ST8SIA2: variants seen among roughly 807,000 people sequenced by gnomAD.
ST8SIA2 encodes the protein alpha-2,8-sialyltransferase 8B.
In ST8SIA2, 22 loss-of-function variants were observed where a neutral mutation model predicts 37.6. The ratio of observed to expected loss-of-function variants is 0.58; its 90% CI spans 0.42 to 0.83. The LOEUF is 0.83. Ranked by LOEUF, ST8SIA2 falls within the 40% of genes least tolerant of loss-of-function variation. The probability of loss-of-function intolerance (pLI) is 0.00; values close to 1 mark genes in which losing one functional copy is unlikely to be tolerated. For synonymous variants in ST8SIA2, 205 were observed against 201.2 expected (o/e 1.02, Z -0.16); for missense variants, 382 against 484.7 (o/e 0.79, Z 1.99).
intron 5 of ST8SIA2, among the ~76,000 whole-genome samples, chr15:92,460,233 G>C (rs761280787): frequency 6.6e-6 from 1 of 152,142 alleles, no homozygotes; most frequent in Non-Finnish European, 1.5e-5. Context: ...GTCATCACAG[G>C]AGTTCTTAGG....
intron 5 of ST8SIA2, among the ~76,000 whole-genome samples, chr15:92,458,070 C>T (rs1257352718): frequency 6.6e-6 from 1 of 152,174 alleles, no homozygotes; most frequent in African/African-American, 2.4e-5. Flanking sequence ...CTGAGTGCAA[C>T]GGAAGTCAGG....
chr15:92,438,770 G>A (rs1353915195), intron 4 of ST8SIA2, among the ~76,000 whole-genome samples, 160 bp downstream of exon 4: 7 of 152,196 alleles, frequency 4.6e-5, no homozygotes, highest in East Asian at 1.9e-4. Context: ...GGGGAGCTTC[G>A]CCTCCAATGT....
At chr15:92,431,863 G>T (rs2141829175) in intron 2 of ST8SIA2, among the ~76,000 whole-genome samples, 1 of 152,240 alleles carries the variant, frequency 6.6e-6, no homozygotes, top group African/African-American at 2.4e-5. Flanking sequence ...AGACCATGAT[G>T]GGCTATGCAG....
intron 1 of ST8SIA2, among the ~76,000 whole-genome samples, chr15:92,420,090 C>T (rs1238357176): frequency 6.6e-6 from 1 of 152,168 alleles, no homozygotes; most frequent in African/African-American, 2.4e-5. Flanking sequence ...TGGTCTCGAT[C>T]TATTGACTTC....
intron 1 of ST8SIA2, among the ~76,000 whole-genome samples, chr15:92,416,538 C>T (rs1043405944): frequency 2.6e-5 from 4 of 152,090 alleles, no homozygotes; most frequent in Middle Eastern, 3.2e-3. Context: ...AAAGAAAACC[C>T]GGAGAAAGTG....
intron 1 of ST8SIA2, among the ~76,000 whole-genome samples, chr15:92,406,844 A>C (rs2049510973): frequency 6.6e-6 from 1 of 152,072 alleles, no homozygotes; most frequent in Non-Finnish European, 1.5e-5. Flanking sequence ...AAATACAAAA[A>C]TTAGCTGGGC....
chr15:92,457,309 A>G (rs2049926793), intron 5 of ST8SIA2, among the ~76,000 whole-genome samples: 2 of 152,216 alleles, frequency 1.3e-5, no homozygotes, highest in African/African-American at 2.4e-5. Context: ...GACAGCCACT[A>G]TTCTTTCCAC....
At chr15:92,396,887 G>A (rs1204294848) in intron 1 of ST8SIA2, among the ~76,000 whole-genome samples, 1 of 152,212 alleles carries the variant, frequency 6.6e-6, no homozygotes, top group African/African-American at 2.4e-5. Flanking sequence ...TGGCCAGTGA[G>A]GGGCGTCAAG....
rs112388744 is a variant in ST8SIA2 at position 92,441,577 on chromosome 15, G to GCACA, written c.548+3007_548+3010dup. On this transcript the variant is annotated intron_variant, in intron 4 of 5. Coordinates refer to ENST00000268164, the MANE Select transcript of ST8SIA2 (RefSeq NM_006011.4). ...TGGGGAACAGAACTTCACTGTGCAT[G>GCACA]CACACACACACACACACACACACAC... Among the ~76,000 whole-genome samples, 493 of 143,348 alleles carry GCACA rather than the reference G, an allele frequency of 3.4e-3. 2 individuals carry two copies. Among genetic ancestry groups the GCACA allele is most frequent in the South Asian group, 0.01 (43 of 4,224 alleles). 94.0% of individuals were successfully genotyped at this position (143,348 alleles called of 152,430 possible).
intron 1 of ST8SIA2, among the ~76,000 whole-genome samples, chr15:92,427,260 CAA>C (rs55783719): frequency 0.097 from 9,958 of 102,378 alleles, 758 homozygotes; most frequent in African/African-American, 0.3. Context: ...GGGCACTTGG[CAA>C]AAAAAAAAAA....
chr15:92,416,271 A>G (rs1286086151), intron 1 of ST8SIA2, among the ~76,000 whole-genome samples: 1 of 151,502 alleles, frequency 6.6e-6, no homozygotes, highest in South Asian at 2.1e-4. Flanking sequence ...GAGTGTGGAC[A>G]TCACCCTGGT....
chr15:92,464,916 A>G lies in ST8SIA2; in HGVS notation c.*531A>G. ...TCAACCGGGCAAAGGAGCACAAGGA[A>G]ACCAAGCAGCAGAGGCCCCATCAGC... On this transcript the variant is annotated 3_prime_UTR_variant, in exon 6 of 6. Coordinates refer to ENST00000268164, the MANE Select transcript of ST8SIA2 (RefSeq NM_006011.4). The G allele has an allele frequency of 5.9e-6, 1 of 170,696 alleles. No individual in the cohort carries two copies. The highest frequency in any genetic ancestry group is 1.3e-5 in the Non-Finnish European group (1 of 78,972). The allele number at this position is 170,696 out of a possible 1,614,324, so 10.6% of individuals were successfully genotyped here.
chr15:92,395,391 C>T (rs1596225148), intron 1 of ST8SIA2, among the ~76,000 whole-genome samples: 1 of 152,322 alleles, frequency 6.6e-6, no homozygotes, highest in East Asian at 1.9e-4. Context: ...GTCCTGGGCC[C>T]AGGCGGGATG....
chr15:92,412,398 G>A (rs1596232340), intron 1 of ST8SIA2, among the ~76,000 whole-genome samples: 1 of 151,826 alleles, frequency 6.6e-6, no homozygotes, highest in Admixed American at 6.6e-5. Flanking sequence ...GGGTGAGCAG[G>A]GCCTGGAAAC....
rs1002162420 is a variant in ST8SIA2 at position 92,464,558 on chromosome 15, G to A, written c.*173G>A. On this transcript the variant is annotated 3_prime_UTR_variant, in exon 6 of 6. Transcript: ENST00000268164. ...TATACCTGCATATATATATTGACCT[G>A]AGTATTTATAACTGTGTGGTGTTCA... 9 of 710,040 alleles carry A rather than the reference G, an allele frequency of 1.3e-5. No individual in the cohort carries two copies. Among genetic ancestry groups the A allele is most frequent in the Middle Eastern group, 3.9e-4 (1 of 2,556 alleles). 44.0% of individuals were successfully genotyped at this position (710,040 alleles called of 1,614,324 possible). A position where few individuals can be genotyped will look rare whatever the true frequency, so the allele number is the denominator to read the frequency against.
rs114287767 is a variant in ST8SIA2, at chr15:92,440,510, T to C, written c.548+1900T>C. Among the ~76,000 whole-genome samples, 1,171 of 152,292 alleles carry C rather than the reference T, an allele frequency of 7.7e-3. 18 individuals carry two copies. Among genetic ancestry groups the C allele is most frequent in the African/African-American group, 0.027 (1,130 of 41,542 alleles). ...CCCATCCACACATACTTGGAAAATATGGGTCAAAAATGCCAAGGAGCAAGT... is the reference window on the plus strand; with the variant it reads ...CCCATCCACACATACTTGGAAAATACGGGTCAAAAATGCCAAGGAGCAAGT... On this transcript the variant is annotated intron_variant, in intron 4 of 5. Transcript: ENST00000268164.
chr15:92,394,449 C>A (rs978364587), intron 1 of ST8SIA2, among the ~76,000 whole-genome samples: 9 of 152,070 alleles, frequency 5.9e-5, no homozygotes, highest in African/African-American at 2.2e-4. Context: ...CCCTGCCTGG[C>A]GTGTCCAAGC....
chr15:92,409,738 A>G (rs576304979), intron 1 of ST8SIA2, among the ~76,000 whole-genome samples: 185 of 152,348 alleles, frequency 1.2e-3, no homozygotes, highest in Middle Eastern at 3.4e-3. Context: ...CAGCAGCCTT[A>G]TAAGGCACTC....
chr15:92,407,562 C>A (rs569212721), intron 1 of ST8SIA2, among the ~76,000 whole-genome samples: 5 of 152,302 alleles, frequency 3.3e-5, no homozygotes, highest in Middle Eastern at 6.8e-3. Flanking sequence ...AGTCACAGTT[C>A]CCTAGAGTTC....
Sources: allele counts gnomAD v4.1 joint callset (sites outside exome capture counted in the v4.1 genomes callset), GRCh38; gene constraint gnomAD v4.1.1; transcripts MANE v1.5; gene names NCBI Gene and HGNC (gene_info 2026-07-23, HGNC 2026-07-21).